CFAP46: variants seen among roughly 807,000 people sequenced by gnomAD.
The protein encoded by CFAP46 is cilia and flagella associated protein 46, also known as cilia- and flagella-associated protein 46.
A neutral mutation model predicts 325.7 loss-of-function variants in CFAP46; 245 were observed. The observed-to-expected ratio is 0.75, with a 90% CI of 0.68 to 0.84. The LOEUF (loss-of-function observed/expected upper bound fraction) is 0.84, where lower values mean the gene tolerates loss of function less well. Ranked by LOEUF, CFAP46 falls within the 40% of genes least tolerant of loss-of-function variation. The pLI, the probability that CFAP46 is intolerant of heterozygous loss-of-function variation, is 0.00. For missense variants in CFAP46, 3,346 were observed against 3,543.0 expected, an observed-to-expected ratio of 0.94 and a Z score of 1.41; for synonymous variants, 1,523 against 1,495.9, an observed-to-expected ratio of 1.02 and a Z score of -0.42.
intron 22 of CFAP46, among the ~76,000 whole-genome samples, chr10:132,907,556 G>A (rs1035969366): frequency 5.3e-5 from 8 of 152,174 alleles, no homozygotes; most frequent in Non-Finnish European, 1.0e-4. Context: ...TTTAATTAGC[G>A]TGCATATCTG....
In CFAP46 at chr10:132,827,794, C is replaced by T. The variant is rs1255365584; in HGVS notation, c.7117+5564G>A. The stretch of plus-strand genomic sequence containing the variant: ...TCTCCTGCAGCCCCAGCCCCCACCC[C>T]CAGGAAGCAACTTACCTGCCTTCTG... On this transcript the variant is annotated intron_variant, in intron 50 of 57. Transcript: ENST00000368586. This position sits in a 1 kb window ranked among gnomAD's most constrained non-coding sequence, Gnocchi z 5.7. Among the ~76,000 whole-genome samples the T allele has an allele frequency of 3.3e-5, 5 of 152,088 alleles. No individual in the cohort carries two copies. The highest frequency in any genetic ancestry group is 7.4e-5 in the Non-Finnish European group (5 of 68,010).
At chr10:132,825,329 G>A (rs1449488442) in intron 50 of CFAP46, among the ~76,000 whole-genome samples, 2 of 152,182 alleles carry the variant, frequency 1.3e-5, no homozygotes, top group African/African-American at 2.4e-5. Context: ...GCACTGATGT[G>A]TGCTGTGTGT....
At chr10:132,818,621 G>A (rs1350251064) in intron 50 of CFAP46, among the ~76,000 whole-genome samples, 1 of 152,162 alleles carries the variant, frequency 6.6e-6, no homozygotes, top group African/African-American at 2.4e-5. Flanking sequence ...GGGAGGCCGA[G>A]GTGGGTGGAT....
At chr10:132,866,984 C>T (rs1284714197) in intron 34 of CFAP46, among the ~76,000 whole-genome samples, 1 of 152,212 alleles carries the variant, frequency 6.6e-6, no homozygotes, top group African/African-American at 2.4e-5. Context: ...AGGCGCCCAG[C>T]AGGCCTGTTC....
intron 17 of CFAP46, 108 bp downstream of exon 17, chr10:132,916,441 T>A: frequency 1.6e-6 from 2 of 1,227,426 alleles, no homozygotes; most frequent in East Asian, 3.0e-5. Flanking sequence ...AAGAAGCCGG[T>A]GTCCTTACGA....
rs185142710 is a variant in CFAP46, at chr10:132,832,087, C to T, written c.7117+1271G>A. Among the ~76,000 whole-genome samples the T allele has an allele frequency of 2.5e-3, 388 of 152,276 alleles. 4 individuals are homozygous for T. The highest frequency in any genetic ancestry group is 8.6e-3 in the African/African-American group (357 of 41,512). Reference sequence around the variant, plus strand: ...TTCATTTCACATTTATGTTATAAAACCCCATACCATTATTATTGTCTTTTG... The same window carrying T: ...TTCATTTCACATTTATGTTATAAAATCCCATACCATTATTATTGTCTTTTG... On this transcript the variant is annotated intron_variant, in intron 50 of 57. Transcript: ENST00000368586. The surrounding 1 kb of genome is among the most constrained non-coding windows in gnomAD (Gnocchi z 4.1).
rs1400389626 is a variant in CFAP46 at position 132,922,607 on chromosome 10, G to A, written c.1358C>T (p.Ala453Val). The change falls in exon 12 of 58, where the codon GCG (alanine) becomes GTG (valine). Residue 453 changes from alanine (A) to valine (V), a missense_variant. Physicochemically the swap from Ala to Val is moderately conservative, Grantham distance 64. Transcript: ENST00000368586. ...GTAGAGGCCCAGGCTGTCCAGGCGCGCGGCTTTCCGGAGGTGCTCCGTGGC... is the reference window on the plus strand; with the variant it reads ...GTAGAGGCCCAGGCTGTCCAGGCGCACGGCTTTCCGGAGGTGCTCCGTGGC... ...EPATEHLRKA[A>V]RLDSLGLYRD... 2.3e-5 allele frequency: 35 copies of A among 1,549,454 alleles called. No homozygotes were observed. The highest frequency in any genetic ancestry group is 1.7e-4 in the Middle Eastern group (1 of 5,940).
At chr10:132,837,165 T>G (rs1016255877) in intron 44 of CFAP46, 4 of 501,134 alleles carry the variant, frequency 8.0e-6, no homozygotes, top group African/African-American at 2.0e-5. Flanking sequence ...TGTTAATGTT[T>G]AGAAACCTGA....
rs1377032750 is a variant in CFAP46, at chr10:132,926,614, A to G, written c.1019T>C (p.Leu340Ser). The change falls in exon 10 of 58, where the codon TTA becomes TCA. Residue 340 changes from leucine (L) to serine (S), a missense_variant. Transcript: ENST00000368586. Reference sequence around the variant, plus strand: ...CACTTTCATCTTACTTTCAAGTCTTAAAGCTTCCGATTCACACTCCAGACA... The same window carrying G: ...CACTTTCATCTTACTTTCAAGTCTTGAAGCTTCCGATTCACACTCCAGACA... ...MECLECESEA[L>S]RLESKMKVYN... is the part of the protein sequence containing the mutation. 7 of 1,536,156 alleles carry G rather than the reference A, an allele frequency of 4.6e-6. No individual in the cohort carries two copies. The African/African-American group carries it at 9.6e-5, about 21-fold the overall frequency.
In CFAP46 at chr10:132,847,219, C is replaced by G. The variant is rs1291330234; in HGVS notation, c.6055G>C (p.Glu2019Gln). 1 of 1,613,082 alleles carries G rather than the reference C, an allele frequency of 6.2e-7. No individual in the cohort carries two copies. Among genetic ancestry groups the G allele is most frequent in the Admixed American group, 1.7e-5 (1 of 60,018 alleles). ...RDPPASRAAP[E>Q]EHCRRGEDLK... ...TCCTCGCCTCTCCTGCAGTGCTCCT[C>G]CGGGGCTGCCCTGGAGGCCGGCGGG... The change falls in exon 42 of 58, where the codon GAG (glutamate) becomes CAG (glutamine). Residue 2019 changes from glutamate to glutamine, a missense_variant. Transcript: ENST00000368586. This position sits in a 1 kb window ranked among gnomAD's most constrained non-coding sequence, Gnocchi z 5.2.
chr10:132,924,527 G>A lies in CFAP46; in HGVS notation c.1256+169C>T, dbSNP rs116236036. On this transcript the variant is annotated intron_variant, in intron 11 of 57. Coordinates refer to ENST00000368586, the MANE Select transcript of CFAP46 (RefSeq NM_001200049.3). Reference sequence around the variant, plus strand: ...GCCGCCAATGCACCACAGAGGACCCGACGTGCCTGGCCCGGAGCTGGGACA... The same window carrying A: ...GCCGCCAATGCACCACAGAGGACCCAACGTGCCTGGCCCGGAGCTGGGACA... 6.8e-3 allele frequency among the ~76,000 whole-genome samples: 1,038 copies of A among 152,316 alleles called. 12 individuals carry two copies. The highest frequency in any genetic ancestry group is 0.024 in the African/African-American group (984 of 41,564).
intron 24 of CFAP46, among the ~76,000 whole-genome samples, chr10:132,897,627 T>G (rs1383480532): frequency 6.6e-6 from 1 of 152,190 alleles, no homozygotes; most frequent in Non-Finnish European, 1.5e-5. Context: ...GCCCACAGGA[T>G]GGCCATGTGT....
chr10:132,935,776 T>A lies in CFAP46; in HGVS notation c.756-914A>T, dbSNP rs12411822. Among the ~76,000 whole-genome samples the A allele has an allele frequency of 6.0e-3, 425 of 70,406 alleles. 2 individuals carry two copies. Among genetic ancestry groups the A allele is most frequent in the Middle Eastern group, 0.021 (2 of 96 alleles). 46.2% of individuals were successfully genotyped at this position (70,406 alleles called of 152,430 possible). On this transcript the variant is annotated intron_variant, in intron 7 of 57. Transcript: ENST00000368586. ...CAGCCCTCAGCACCCAAACACACTG[T>A]GATCTCCTCACTCCCCTCACATCCA... is the stretch of plus-strand genomic sequence containing the variant.
Position 132,869,331 on chromosome 10 carries a change from G to C in CFAP46, c.4553C>G (p.Ala1518Gly), listed in dbSNP as rs1033814862. The C allele has an allele frequency of 1.2e-5, 18 of 1,538,768 alleles. No individual in the cohort carries two copies. The African/African-American group carries it at 2.3e-4, about 20-fold the overall frequency. Residue 1518 changes from alanine (A) to glycine (G), a missense_variant, in exon 33 of 58, where the codon GCC (alanine) becomes GGC (glycine). Coordinates refer to ENST00000368586, the MANE Select transcript of CFAP46 (RefSeq NM_001200049.3). This position sits in a 1 kb window ranked among gnomAD's most constrained non-coding sequence, Gnocchi z 6.2. ...CCCGACCGCCTCTTCATGGCGCGCGGCTGCTTCTCTCAGCTTCAGCTCGGA... is the reference window on the plus strand; with the variant it reads ...CCCGACCGCCTCTTCATGGCGCGCGCCTGCTTCTCTCAGCTTCAGCTCGGA... ...ACSELKLREA[A>G]ARHEEAVGQV...
At chr10:132,857,823 T>C in intron 38 of CFAP46, 35 bp from the exon 39 acceptor site, 3 of 1,424,654 alleles carry the variant, frequency 2.1e-6, no homozygotes, top group Non-Finnish European at 2.8e-6. Flanking sequence ...TTTAAAACAT[T>C]ATGTTATTAT....
chr10:132,882,031 G>C (rs1295964879), intron 27 of CFAP46, among the ~76,000 whole-genome samples: 1 of 150,936 alleles, frequency 6.6e-6, no homozygotes, highest in East Asian at 1.9e-4. Flanking sequence ...GGGGTGTGTG[G>C]TGTGTGTGGG....
At chr10:132,896,921 G>C (rs1849328451) in intron 24 of CFAP46, among the ~76,000 whole-genome samples, 1 of 152,146 alleles carries the variant, frequency 6.6e-6, no homozygotes, top group African/African-American at 2.4e-5. Flanking sequence ...TACCATACAG[G>C]CCGGTGAAAT....
rs1258898550 is a variant in CFAP46, at chr10:132,827,140, A to T, written c.7117+6218T>A. On this transcript the variant is annotated intron_variant, in intron 50 of 57. Coordinates refer to ENST00000368586, the MANE Select transcript of CFAP46 (RefSeq NM_001200049.3). This position sits in a 1 kb window ranked among gnomAD's most constrained non-coding sequence, Gnocchi z 5.7. The stretch of plus-strand genomic sequence containing the variant: ...CCACCCTCTCCACAGCCTGAGCCCC[A>T]CCCAGTCCTGGGCCACTGAGCCACC... Among the ~76,000 whole-genome samples the T allele has an allele frequency of 6.6e-6, 1 of 151,736 alleles. No homozygotes were observed. Among genetic ancestry groups the T allele is most frequent in the Non-Finnish European group, 1.5e-5 (1 of 67,916 alleles).
rs754647409 is a variant in CFAP46 at position 132,860,895 on chromosome 10, T to C, written c.4978A>G (p.Lys1660Glu). Reference sequence around the variant, plus strand: ...AGGTGCTGGGCCTGTGCGATCATTTTCTTGGCTTGTCCATAGTTTTTCTCC... The same window carrying C: ...AGGTGCTGGGCCTGTGCGATCATTTCCTTGGCTTGTCCATAGTTTTTCTCC... ...NKEKNYGQAKKMIAQAQHLGG... is the reference protein window; with the variant it reads ...NKEKNYGQAKEMIAQAQHLGG... The change falls in exon 36 of 58, where the codon AAA becomes GAA. Residue 1660 changes from lysine to glutamate, a missense_variant. By Grantham distance (56) the Lys-to-Glu change is moderately conservative (BLOSUM62 1). Coordinates refer to ENST00000368586, the MANE Select transcript of CFAP46 (RefSeq NM_001200049.3). The C allele has an allele frequency of 6.4e-7, 1 of 1,550,824 alleles. No homozygotes were observed. The highest frequency in any genetic ancestry group is 8.7e-7 in the Non-Finnish European group (1 of 1,147,040).
Sources: gnomAD v4.1 joint callset for allele counts (sites outside exome capture counted in the v4.1 genomes callset) on GRCh38, gnomAD v4.1.1 for gene constraint, Gnocchi (gnomAD v3.1) non-coding constraint, MANE v1.5 for transcripts, NCBI Gene and HGNC (gene_info 2026-07-23, HGNC 2026-07-21) for gene names.